SLC24A3: variants seen among roughly 807,000 people sequenced by gnomAD.
The protein encoded by SLC24A3 is sodium/potassium/calcium exchanger 3.
A neutral mutation model predicts 75.8 loss-of-function variants in SLC24A3; 28 were observed. The ratio of observed to expected loss-of-function variants is 0.37; its 90% CI spans 0.27 to 0.51. SLC24A3 has a LOEUF of 0.51. Ranked by LOEUF, SLC24A3 falls within the 20% of genes least tolerant of loss-of-function variation. The pLI is 0.94. For synonymous variants in SLC24A3, 372 were observed against 334.1 expected (o/e 1.11, Z -1.24); for missense variants, 663 against 847.8 (o/e 0.78, Z 2.71).
intron 1 of SLC24A3, among the ~76,000 whole-genome samples, chr20:19,266,159 A>G (rs185919562): frequency 1.3e-5 from 2 of 152,324 alleles, no homozygotes; most frequent in East Asian, 3.9e-4. Context: ...ATAAGAAAAA[A>G]AAATGATGTC....
chr20:19,617,209 C>T (rs1600304749), intron 6 of SLC24A3, among the ~76,000 whole-genome samples: 2 of 152,334 alleles, frequency 1.3e-5, no homozygotes, highest in East Asian at 1.9e-4. Flanking sequence ...CCTGGACTCT[C>T]GAGTCTGATG....
chr20:19,247,510 G>T (rs1341997467), intron 1 of SLC24A3, among the ~76,000 whole-genome samples: 1 of 152,080 alleles, frequency 6.6e-6, no homozygotes, highest in African/African-American at 2.4e-5. Context: ...AAAATATGAG[G>T]CTCATAGCCA....
intron 6 of SLC24A3, among the ~76,000 whole-genome samples, chr20:19,604,795 C>T (rs2031574526): frequency 6.6e-6 from 1 of 152,176 alleles, no homozygotes; most frequent in African/African-American, 2.4e-5. Flanking sequence ...GCCTACCCTC[C>T]TCTCTCAGGA....
At chr20:19,235,342 G>C (rs754677729) in intron 1 of SLC24A3, among the ~76,000 whole-genome samples, 2 of 152,216 alleles carry the variant, frequency 1.3e-5, no homozygotes, top group Non-Finnish European at 2.9e-5. Context: ...TTGTACAAAG[G>C]ACCAGCTGCG....
intron 3 of SLC24A3, among the ~76,000 whole-genome samples, chr20:19,516,283 G>C (rs141264256): frequency 1.3e-5 from 2 of 152,320 alleles, no homozygotes; most frequent in East Asian, 3.9e-4. Context: ...TACATGTGAC[G>C]ATGTCTAAGG....
At chr20:19,314,050 G>A (rs1346052023) in intron 2 of SLC24A3, among the ~76,000 whole-genome samples, 1 of 151,958 alleles carries the variant, frequency 6.6e-6, no homozygotes, top group African/African-American at 2.4e-5. Context: ...ACCGGTCACT[G>A]TGGTCATTTA....
In SLC24A3 at chr20:19,230,062, ATT is replaced by A. The variant is rs11087276; in HGVS notation, c.142+17091_142+17092del. 4.1e-3 allele frequency among the ~76,000 whole-genome samples: 610 copies of A among 147,000 alleles called. 7 individuals are homozygous for A. Among genetic ancestry groups the A allele is most frequent in the African/African-American group, 0.013 (533 of 40,280 alleles). On this transcript the variant is annotated intron_variant, in intron 1 of 16. Coordinates refer to ENST00000328041, the MANE Select transcript of SLC24A3 (RefSeq NM_020689.4). ...AATTTACATCTTCTTCCCATAATAG[ATT>A]TTTTTTTTTTTTAGAAGAATAGTGT...
intron 6 of SLC24A3, among the ~76,000 whole-genome samples, chr20:19,607,543 G>GTTCT (rs1396605715): frequency 6.6e-6 from 1 of 152,214 alleles, no homozygotes; most frequent in Non-Finnish European, 1.5e-5. Flanking sequence ...TTTCACCTGA[G>GTTCT]TTCTTCTGGT....
chr20:19,212,959 G>T lies in SLC24A3; in HGVS notation c.117G>T (p.Ser39=). 1 of 1,316,946 alleles carries T rather than the reference G, an allele frequency of 7.6e-7. No homozygotes were observed. The highest frequency in any genetic ancestry group is 9.7e-7 in the Non-Finnish European group (1 of 1,030,746). The allele number at this position is 1,316,946 out of a possible 1,614,324, so 81.6% of individuals were successfully genotyped here. Residue 39 remains serine (S), a synonymous_variant, in exon 1 of 17, where the codon TCG becomes TCT. Transcript: ENST00000328041. ...CCTCGGTGGCGCTGCTGCTCTGGTC[G>T]CTGTCGAGCCTGCGAGAGCAGAAGG... ...FLASVALLLW[S]LSSLREQKEL...
chr20:19,518,660 C>A (rs912609430), intron 3 of SLC24A3, among the ~76,000 whole-genome samples: 1 of 152,172 alleles, frequency 6.6e-6, no homozygotes, highest in East Asian at 1.9e-4. Flanking sequence ...ACTGACAGGA[C>A]CTCACATGGG....
intron 6 of SLC24A3, among the ~76,000 whole-genome samples, chr20:19,624,238 C>T (rs1341863003): frequency 2.0e-5 from 3 of 152,124 alleles, no homozygotes; most frequent in Non-Finnish European, 2.9e-5. Context: ...GCCTTGGCCT[C>T]TAAAGGTCAT....
chr20:19,715,112 C>T (rs2033030930), intron 15 of SLC24A3, among the ~76,000 whole-genome samples: 1 of 152,224 alleles, frequency 6.6e-6, no homozygotes, highest in Non-Finnish European at 1.5e-5. Context: ...CTCCAAGAGC[C>T]TCTTCCTCTC....
intron 2 of SLC24A3, among the ~76,000 whole-genome samples, chr20:19,433,757 C>A (rs772531857): frequency 6.6e-6 from 1 of 152,168 alleles, no homozygotes; most frequent in Non-Finnish European, 1.5e-5. Context: ...TCCATAGCGC[C>A]AAGGGGAAGT....
At chr20:19,397,312 G>A (rs1986471341) in intron 2 of SLC24A3, among the ~76,000 whole-genome samples, 1 of 152,068 alleles carries the variant, frequency 6.6e-6, no homozygotes, top group Non-Finnish European at 1.5e-5. Context: ...GCAATTTGTT[G>A]TACATCATAA....
At chr20:19,326,173 TGG>T (rs1169610053) in intron 2 of SLC24A3, among the ~76,000 whole-genome samples, 1 of 151,696 alleles carries the variant, frequency 6.6e-6, no homozygotes, top group Non-Finnish European at 1.5e-5. Flanking sequence ...AAGCAACAGA[TGG>T]GGTATGCAAA....
intron 2 of SLC24A3, among the ~76,000 whole-genome samples, chr20:19,284,767 A>G (rs1267633259): frequency 6.6e-6 from 1 of 152,166 alleles, no homozygotes; most frequent in Non-Finnish European, 1.5e-5. Flanking sequence ...GAGACTGGAG[A>G]CAGAGTTACC....
At chr20:19,314,046 C>A (rs1210422953) in intron 2 of SLC24A3, among the ~76,000 whole-genome samples, 1 of 152,074 alleles carries the variant, frequency 6.6e-6, no homozygotes, top group African/African-American at 2.4e-5. Flanking sequence ...ACAGACCGGT[C>A]ACTGTGGTCA....
intron 2 of SLC24A3, among the ~76,000 whole-genome samples, chr20:19,301,823 GTTA>G (rs1183919476): frequency 3.3e-5 from 5 of 152,122 alleles, no homozygotes. Flanking sequence ...TCAGCCTCCT[GTTA>G]TTATGTTTGA....
intron 2 of SLC24A3, among the ~76,000 whole-genome samples, chr20:19,479,341 C>G (rs1472481822): frequency 6.6e-6 from 1 of 152,228 alleles, no homozygotes; most frequent in Non-Finnish European, 1.5e-5. Context: ...TGTAATTGCT[C>G]CATATCTGTA....
Sources: allele counts gnomAD v4.1 joint callset (sites outside exome capture counted in the v4.1 genomes callset), GRCh38; gene constraint gnomAD v4.1.1; transcripts MANE v1.5; gene names NCBI Gene and HGNC (gene_info 2026-07-23, HGNC 2026-07-21).